Variants in DNAH1 observed in about 807,000 individuals in gnomAD.
DNAH1 encodes the protein axonemal beta dynein heavy chain 1.
In DNAH1, 327 loss-of-function variants were observed where a neutral mutation model predicts 484.3. That is an observed-to-expected ratio of 0.68 (90% CI 0.62 to 0.74). The LOEUF is 0.74. Among genes scored for constraint, DNAH1 ranks in the 30% least tolerant of loss-of-function variants. The probability of loss-of-function intolerance (pLI) is 0.00; values close to 1 mark genes in which losing one functional copy is unlikely to be tolerated. For synonymous variants in DNAH1, 2,192 were observed against 2,191.9 expected (o/e 1.00, Z 0.00); for missense variants, 5,052 against 5,546.8 (o/e 0.91, Z 2.83).
At chr3:52,388,101 C>T in intron 56 of DNAH1, 66 bp from the exon 57 acceptor site, 1 of 1,552,258 alleles carries the variant, frequency 6.4e-7, no homozygotes, top group Non-Finnish European at 8.7e-7. Flanking sequence ...GCCCCACATC[C>T]CAGCAGAGCC....
At chr3:52,399,811 G>A (rs1350512709) in intron 77 of DNAH1, 32 bp downstream of exon 77, 3 of 1,603,358 alleles carry the variant, frequency 1.9e-6, no homozygotes, top group Admixed American at 1.7e-5. Flanking sequence ...CCTACACTAT[G>A]GGCGGGGACC....
rs201131596 is a variant in DNAH1, at chr3:52,398,027, T to A, written c.11959-5T>A. The A allele has an allele frequency of 1.5e-5, 24 of 1,612,768 alleles. No individual in the cohort carries two copies. The highest frequency in any genetic ancestry group is 1.7e-6 in the Non-Finnish European group (2 of 1,179,298). On this transcript the variant is annotated splice_polypyrimidine_tract_variant and splice_region_variant and intron_variant, in intron 74 of 77. Transcript: ENST00000420323. ...TGACCCCACAGTATTCCTTTGCCCC[T>A]GCAGATAGTGGAGGACGTCACCCAA...
In DNAH1 at chr3:52,331,157, A is replaced by G. The variant is rs1271814093; in HGVS notation, c.881A>G (p.Lys294Arg). 3 of 1,593,902 alleles carry G rather than the reference A, an allele frequency of 1.9e-6. No homozygotes were observed. The highest frequency in any genetic ancestry group is 2.3e-5 in the East Asian group (1 of 44,144). Residue 294 changes from lysine (K) to arginine (R), a missense_variant, in exon 7 of 78, where the codon AAG (lysine) becomes AGG (arginine). By Grantham distance (26) the Lys-to-Arg change is conservative (BLOSUM62 2). Transcript: ENST00000420323. Reference protein sequence around the residue: ...TDDFLGHEDPKSQKLKYKWCE... With the variant: ...TDDFLGHEDPRSQKLKYKWCE... ...TCTCCTCCTGTTTCAGAGGACCCCA[A>G]GAGTCAGAAGCTGAAGTACAAATGG...
chr3:52,366,998 C>A, intron 36 of DNAH1, 111 bp downstream of exon 36: 1 of 1,325,062 alleles, frequency 7.5e-7, no homozygotes, highest in Non-Finnish European at 1.0e-6. Flanking sequence ...GGCTCTGCAG[C>A]CCAACGCTTG....
chr3:52,328,006 T>TGG lies in DNAH1; in HGVS notation c.866_867dup (p.His290GlyfsTer10), dbSNP rs1701413478. The TGG allele has an allele frequency of 6.2e-7, 1 of 1,613,502 alleles. No homozygotes were observed. The highest frequency in any genetic ancestry group is 8.5e-7 in the Non-Finnish European group (1 of 1,179,606). On this transcript the variant is annotated frameshift_variant, in exon 6 of 78. Coordinates refer to ENST00000420323, the MANE Select transcript of DNAH1 (RefSeq NM_015512.5). LOFTEE classifies it high-confidence loss of function. ...GCCCTCTTGCCCACTGATGACTTCC[T>TGG]GGGGCATGGTGAGCAAGGCCACTCT...
chr3:52,356,272 G>A (rs1008142223), intron 21 of DNAH1, among the ~76,000 whole-genome samples: 1 of 152,170 alleles, frequency 6.6e-6, no homozygotes, highest in African/African-American at 2.4e-5. Flanking sequence ...GAAGGAGGCT[G>A]GTTTGTCTCC....
Position 52,391,609 on chromosome 3 carries a change from C to A in DNAH1, c.10052+6C>A. 1 of 1,613,616 alleles carries A rather than the reference C, an allele frequency of 6.2e-7. No individual in the cohort carries two copies. Among genetic ancestry groups the A allele is most frequent in the Non-Finnish European group, 8.5e-7 (1 of 1,179,798 alleles). Reference sequence around the variant, plus strand: ...AACTTCACCCTGTCGCCCAGGTGAGCCCCCACTCTTGGGGACGCCCAAGCA... The same window carrying A: ...AACTTCACCCTGTCGCCCAGGTGAGACCCCACTCTTGGGGACGCCCAAGCA... On this transcript the variant is annotated splice_donor_region_variant and intron_variant, in intron 63 of 77. Coordinates refer to ENST00000420323, the MANE Select transcript of DNAH1 (RefSeq NM_015512.5).
intron 22 of DNAH1, 124 bp downstream of exon 22, chr3:52,356,902 A>C: frequency 8.2e-7 from 1 of 1,225,986 alleles, no homozygotes; most frequent in Non-Finnish European, 1.1e-6. Context: ...TGAGGATTTG[A>C]TCTTGAACCA....
chr3:52,322,477 G>A lies in DNAH1; in HGVS notation c.35G>A (p.Gly12Glu), dbSNP rs201010405. ...EQPNSKGYSL[G>E]RTPQGPECSS... ...CCTAACAGTAAAGGCTATAGCCTGG[G>A]AAGGACCCCTCAGGGCCCAGAGTGC... is the stretch of plus-strand genomic sequence containing the variant. Residue 12 changes from glycine (G) to glutamate (E), a missense_variant, in exon 2 of 78, where the codon GGA becomes GAA. Physicochemically the swap from Gly to Glu is moderately conservative, Grantham distance 98. This residue lies in a region of DNAH1 where 1,263 missense variants were observed against 1,218.8 expected (regional missense o/e 1.04). Transcript: ENST00000420323. 35 of 1,613,076 alleles carry A rather than the reference G, an allele frequency of 2.2e-5. No homozygotes were observed. The East Asian group carries it at 7.4e-4, about 34-fold the overall frequency.
chr3:52,332,148 C>T lies in DNAH1; in HGVS notation c.1040C>T (p.Pro347Leu), dbSNP rs1316385405. ...LNAGVTTEGR[P>L]PLQVCQYWVP... ...CCTCTCACCCGGCCCCCAGGAAGGCCACCCCTTCAGGTCTGTCAGTACTGG... is the reference window on the plus strand; with the variant it reads ...CCTCTCACCCGGCCCCCAGGAAGGCTACCCCTTCAGGTCTGTCAGTACTGG... The change falls in exon 8 of 78, where the codon CCA becomes CTA. Residue 347 changes from proline to leucine, a missense_variant. Physicochemically the swap from Pro to Leu is moderately conservative, Grantham distance 98 (BLOSUM62 -3). Around this residue, in one of 4 missense-constraint regions of DNAH1, gnomAD observed 1,263 missense variants for 1,218.8 expected, o/e 1.04. Coordinates refer to ENST00000420323, the MANE Select transcript of DNAH1 (RefSeq NM_015512.5). 6.4e-7 allele frequency: 1 copy of T among 1,556,574 alleles called. No individual in the cohort carries two copies. The highest frequency in any genetic ancestry group is 8.7e-7 in the Non-Finnish European group (1 of 1,148,416).
At chr3:52,331,779 C>A (rs1701565313) in intron 7 of DNAH1, among the ~76,000 whole-genome samples, 1 of 152,008 alleles carries the variant, frequency 6.6e-6, no homozygotes. Context: ...TGCCCACGAC[C>A]ACACCCAGCT....
At chr3:52,367,520 G>T (rs912065059) in intron 36 of DNAH1, among the ~76,000 whole-genome samples, 1 of 151,944 alleles carries the variant, frequency 6.6e-6, no homozygotes, top group Non-Finnish European at 1.5e-5. Context: ...AGGTGAGGGG[G>T]CTGGGGGTCA....
chr3:52,390,610 C>T (rs1177332321), intron 60 of DNAH1, among the ~76,000 whole-genome samples: 1 of 152,108 alleles, frequency 6.6e-6, no homozygotes, highest in Non-Finnish European at 1.5e-5. Context: ...AGTGAGCACT[C>T]AGTAGGCAAG....
At chr3:52,323,090 G>C (rs539150125) in intron 2 of DNAH1, among the ~76,000 whole-genome samples, 1 of 152,304 alleles carries the variant, frequency 6.6e-6, no homozygotes, top group Non-Finnish European at 1.5e-5. Flanking sequence ...ATTGTTGTGG[G>C]GCAGTGGCTT....
At chr3:52,374,947 G>A in intron 44 of DNAH1, 1 of 417,976 alleles carries the variant, frequency 2.4e-6, no homozygotes, top group Non-Finnish European at 4.1e-6. Flanking sequence ...TTATAAGATA[G>A]GACTATGTCT....
chr3:52,353,052 G>A lies in DNAH1; in HGVS notation c.3028-51G>A. ...CCCAAGAAGGGGCAACATGGAGAGAGACTGGGAAGTGTCCCAAGACAGCCC... is the reference window on the plus strand; with the variant it reads ...CCCAAGAAGGGGCAACATGGAGAGAAACTGGGAAGTGTCCCAAGACAGCCC... On this transcript the variant is annotated intron_variant, in intron 18 of 77. Coordinates refer to ENST00000420323, the MANE Select transcript of DNAH1 (RefSeq NM_015512.5). This position sits in a 1 kb window ranked among gnomAD's most constrained non-coding sequence, Gnocchi z 5.0. The A allele has an allele frequency of 6.5e-7, 1 of 1,544,896 alleles. No homozygotes were observed. Among genetic ancestry groups the A allele is most frequent in the Non-Finnish European group, 8.8e-7 (1 of 1,136,490 alleles).
chr3:52,394,957 C>A lies in DNAH1; in HGVS notation c.10866C>A (p.Phe3622Leu). 1.2e-6 allele frequency: 2 copies of A among 1,613,510 alleles called. No homozygotes were observed. The highest frequency in any genetic ancestry group is 1.7e-6 in the Non-Finnish European group (2 of 1,179,694). ...PGIWDQYLDQFQKLLVLRCLR... is the reference protein window; with the variant it reads ...PGIWDQYLDQLQKLLVLRCLR... ...TCTGGGACCAGTACCTAGACCAGTT[C>A]CAGAAGCTGCTAGTCCTCCGCTGCC... Residue 3622 changes from phenylalanine to leucine, a missense_variant, in exon 68 of 78, where the codon TTC becomes TTA. Transcript: ENST00000420323.
At chr3:52,359,880 T>C in intron 26 of DNAH1, 36 bp from the exon 27 acceptor site, 1 of 1,610,180 alleles carries the variant, frequency 6.2e-7, no homozygotes, top group Non-Finnish European at 8.5e-7. Flanking sequence ...CTCCTCGTGG[T>C]ACCCTGATGT....
chr3:52,352,443 C>A, intron 17 of DNAH1, 109 bp from the exon 18 acceptor site: 2 of 1,422,668 alleles, frequency 1.4e-6, no homozygotes, highest in Non-Finnish European at 1.9e-6. Context: ...CTCCTTAGAA[C>A]TCGGAGGAGT....
Sources: gnomAD v4.1 joint callset for allele counts (sites outside exome capture counted in the v4.1 genomes callset) on GRCh38, gnomAD v4.1.1 for gene constraint, gnomAD v4.1.1 regional missense constraint, Gnocchi (gnomAD v3.1) non-coding constraint, MANE v1.5 for transcripts, NCBI Gene and HGNC (gene_info 2026-07-23, HGNC 2026-07-21) for gene names.